Variants in FAF1 observed in about 807,000 individuals in gnomAD.
FAF1 encodes Fas associated factor 1.
FAF1 carries 25 observed loss-of-function variants against 92.5 expected under a neutral mutation model. That is an observed-to-expected ratio of 0.27 (90% CI 0.20 to 0.38). The LOEUF is 0.38. Among genes scored for constraint, FAF1 ranks in the 10% least tolerant of loss-of-function variants. The pLI is 1.00. For synonymous variants in FAF1, 234 were observed against 273.2 expected, an observed-to-expected ratio of 0.86 and a Z score of 1.42; for missense variants, 636 against 793.3, an observed-to-expected ratio of 0.80 and a Z score of 2.38.
At chr1:50,723,754 T>C (rs1034664729) in intron 6 of FAF1, among the ~76,000 whole-genome samples, 8 of 151,910 alleles carry the variant, frequency 5.3e-5, no homozygotes, top group Admixed American at 5.3e-4. Context: ...TCTTTTTTTT[T>C]CTTTTTTTTC....
chr1:50,908,934 C>G (rs1054695789), intron 1 of FAF1, among the ~76,000 whole-genome samples: 12 of 152,240 alleles, frequency 7.9e-5, no homozygotes, highest in African/African-American at 2.9e-4. Context: ...TAGCTGGTTA[C>G]TTTCCTCATT....
At chr1:50,654,863 AC>A (rs1655031993) in intron 8 of FAF1, among the ~76,000 whole-genome samples, 1 of 152,176 alleles carries the variant, frequency 6.6e-6, no homozygotes, top group Non-Finnish European at 1.5e-5. Context: ...TGATACTGTA[AC>A]ATTACCAACA....
intron 6 of FAF1, among the ~76,000 whole-genome samples, chr1:50,736,565 C>T (rs1191628354): frequency 6.6e-6 from 1 of 152,172 alleles, no homozygotes; most frequent in African/African-American, 2.4e-5. Flanking sequence ...GCCTGTCCAA[C>T]ATGGTGAAAC....
At chr1:50,614,912 TTTTTA>T (rs1652841417) in intron 8 of FAF1, among the ~76,000 whole-genome samples, 1 of 152,034 alleles carries the variant, frequency 6.6e-6, no homozygotes. Flanking sequence ...GCATGATTTA[TTTTTA>T]TTTTTTAAAT....
intron 1 of FAF1, among the ~76,000 whole-genome samples, chr1:50,930,316 T>C (rs748501069): frequency 3.9e-5 from 6 of 152,168 alleles, no homozygotes; most frequent in Non-Finnish European, 5.9e-5. Context: ...GTAGGTGTGT[T>C]TATACAGCAG....
chr1:50,758,266 A>G (rs1164550661), intron 4 of FAF1, among the ~76,000 whole-genome samples: 1 of 151,826 alleles, frequency 6.6e-6, no homozygotes, highest in Non-Finnish European at 1.5e-5. Context: ...GTTGGCAAGG[A>G]TGGTCTCAAA....
intron 2 of FAF1, among the ~76,000 whole-genome samples, chr1:50,826,652 G>A (rs1035165459): frequency 1.6e-4 from 25 of 151,698 alleles, no homozygotes; most frequent in African/African-American, 6.1e-4. Context: ...TTCAGTATTA[G>A]AAATAAAAGA....
chr1:50,702,949 C>T (rs949020824), intron 7 of FAF1, among the ~76,000 whole-genome samples: 1 of 151,624 alleles, frequency 6.6e-6, no homozygotes, highest in Non-Finnish European at 1.5e-5. Context: ...AGAAATTTCC[C>T]TCTGGGTGAA....
intron 1 of FAF1, among the ~76,000 whole-genome samples, chr1:50,867,463 T>C (rs1644490899): frequency 6.6e-6 from 1 of 151,982 alleles, no homozygotes; most frequent in African/African-American, 2.4e-5. Context: ...ATCTGGAATC[T>C]ATAAGGAACT....
intron 4 of FAF1, among the ~76,000 whole-genome samples, chr1:50,783,884 A>G (rs1661270052): frequency 6.6e-6 from 1 of 152,158 alleles, no homozygotes; most frequent in African/African-American, 2.4e-5. Context: ...CAAAAACAAC[A>G]ACAACAACAT....
chr1:50,507,985 A>G (rs1242630816), intron 15 of FAF1, among the ~76,000 whole-genome samples: 1 of 152,256 alleles, frequency 6.6e-6, no homozygotes, highest in East Asian at 1.9e-4. Flanking sequence ...CTAAGGACAT[A>G]AAAGTAGTTC....
Position 50,690,868 on chromosome 1 carries a change from G to C in FAF1, c.657+14918C>G, listed in dbSNP as rs1656889513. 2.6e-5 allele frequency among the ~76,000 whole-genome samples: 4 copies of C among 151,960 alleles called. No individual in the cohort carries two copies. The South Asian group carries it at 8.3e-4, about 32-fold the overall frequency. On this transcript the variant is annotated intron_variant, in intron 7 of 18. Coordinates refer to ENST00000396153, the MANE Select transcript of FAF1 (RefSeq NM_007051.3). Reference sequence around the variant, plus strand: ...TTTTGTGTTTAGTTTCTTTCATTTAGCATGTTTTTAAGGTTCATTAACATT... The same window carrying C: ...TTTTGTGTTTAGTTTCTTTCATTTACCATGTTTTTAAGGTTCATTAACATT...
At chr1:50,854,520 C>G (rs1453019863) in intron 2 of FAF1, among the ~76,000 whole-genome samples, 1 of 151,908 alleles carries the variant, frequency 6.6e-6, no homozygotes, top group East Asian at 1.9e-4. Flanking sequence ...TGAGACATTT[C>G]CTAAAAGTAT....
chr1:50,654,459 T>A lies in FAF1; in HGVS notation c.744+983A>T, dbSNP rs188034356. Among the ~76,000 whole-genome samples the A allele has an allele frequency of 1.4e-3, 212 of 152,250 alleles. 3 individuals are homozygous for A. Among genetic ancestry groups the A allele is most frequent in the African/African-American group, 5.1e-3 (211 of 41,558 alleles). Reference sequence around the variant, plus strand: ...CTGAATTTCAGATGGCCTCCTTATATAATGAAATTTACTCTCATAGAAAAC... The same window carrying A: ...CTGAATTTCAGATGGCCTCCTTATAAAATGAAATTTACTCTCATAGAAAAC... On this transcript the variant is annotated intron_variant, in intron 8 of 18. Transcript: ENST00000396153.
chr1:50,473,333 A>C (rs1041115069), intron 18 of FAF1, among the ~76,000 whole-genome samples: 20 of 152,300 alleles, frequency 1.3e-4, no homozygotes, highest in African/African-American at 4.8e-4. Flanking sequence ...AAAGAAAATA[A>C]AGTTTAATTT....
At chr1:50,566,471 A>G (rs879865787) in intron 13 of FAF1, among the ~76,000 whole-genome samples, 6 of 152,114 alleles carry the variant, frequency 3.9e-5, no homozygotes, top group Admixed American at 1.3e-4. Context: ...AAATAGGCAA[A>G]ATATGAAGAA....
intron 8 of FAF1, among the ~76,000 whole-genome samples, chr1:50,642,904 G>A (rs1468639453): frequency 1.3e-5 from 2 of 151,834 alleles, no homozygotes; most frequent in Admixed American, 6.6e-5. Context: ...TCAATGGCAC[G>A]ATCTTGGCTC....
intron 1 of FAF1, among the ~76,000 whole-genome samples, chr1:50,948,507 A>T (rs1054320979): frequency 6.7e-6 from 1 of 149,580 alleles, no homozygotes; most frequent in Non-Finnish European, 1.5e-5. Context: ...AAGATCTCAG[A>T]CTCTTATTTC....
At position 50,834,840 on chromosome 1, in the gene FAF1, C is replaced by T. The variant is rs114477070; in HGVS notation, c.114+23089G>A. Among the ~76,000 whole-genome samples, 510 of 152,154 alleles carry T rather than the reference C, an allele frequency of 3.4e-3. 2 individuals carry two copies. Among genetic ancestry groups the T allele is most frequent in the Non-Finnish European group, 4.8e-3 (327 of 67,996 alleles). On this transcript the variant is annotated intron_variant, in intron 2 of 18. Transcript: ENST00000396153. ...AGTATTACAGCAAAAGGCATGAAAA[C>T]AAATAGTTATAATGTAGTTCTATAA...
Sources: gnomAD v4.1 joint callset for allele counts (sites outside exome capture counted in the v4.1 genomes callset) on GRCh38, gnomAD v4.1.1 for gene constraint, MANE v1.5 for transcripts, NCBI Gene and HGNC (gene_info 2026-07-23, HGNC 2026-07-21) for gene names.